Variants in DGKK observed in about 807,000 individuals in gnomAD.
DGKK encodes 142 kDa diacylglycerol kinase.
DGKK carries 35 observed loss-of-function variants against 92.2 expected under a neutral mutation model. That is an observed-to-expected ratio of 0.38 (90% CI 0.29 to 0.50). The LOEUF is 0.50. Among genes scored for constraint, DGKK ranks in the 20% least tolerant of loss-of-function variants. The probability of loss-of-function intolerance (pLI) is 0.92; values close to 1 mark genes in which losing one functional copy is unlikely to be tolerated. For missense variants in DGKK, 910 were observed against 992.2 expected, an observed-to-expected ratio of 0.92 and a Z score of 1.11; for synonymous variants, 368 against 360.6, an observed-to-expected ratio of 1.02 and a Z score of -0.23.
At chrX:50,464,380 C>G (rs782208342) in intron 1 of DGKK, among the ~76,000 whole-genome samples, 1 of 109,549 alleles carries the variant, frequency 9.1e-6, no homozygotes, top group South Asian at 4.0e-4. Context: ...CCCTCCCGCA[C>G]CCCCCGCGCC....
At chrX:50,410,552 A>G (rs1424408868) in intron 4 of DGKK, among the ~76,000 whole-genome samples, 3 of 111,872 alleles carry the variant, frequency 2.7e-5, no homozygotes, top group Non-Finnish European at 5.6e-5. Flanking sequence ...AGATGGTGGA[A>G]TAGGAGTTCT....
At position 50,378,237 on chromosome X, in the gene DGKK, C is replaced by A. The variant is rs1282299676; in HGVS notation, c.2977-5G>T. On this transcript the variant is annotated splice_polypyrimidine_tract_variant and splice_region_variant and intron_variant, in intron 21 of 27. Coordinates refer to ENST00000611977, the MANE Select transcript of DGKK (RefSeq NM_001013742.4). Reference sequence around the variant, plus strand: ...GGTTATCATCACCTCATGGCACTGCCAGAGAAAATGAGGAAGAATGGGAGA... The same window carrying A: ...GGTTATCATCACCTCATGGCACTGCAAGAGAAAATGAGGAAGAATGGGAGA... 1 of 1,204,640 alleles carries A rather than the reference C, an allele frequency of 8.3e-7. No individual in the cohort carries two copies. Among genetic ancestry groups the A allele is most frequent in the African/African-American group, 1.8e-5 (1 of 56,885 alleles).
rs868933501 is a variant in DGKK at position 50,470,378 on chromosome X, G to A, written c.301C>T (p.Pro101Ser). The A allele has an allele frequency of 3.3e-6, 4 of 1,210,927 alleles. No individual in the cohort carries two copies. In the East Asian group the frequency reaches 1.2e-4, roughly 36 times the overall value. ...SEPAPEPATE[P>S]APEPATEPAP... is the part of the protein sequence containing the mutation. ...GGCTCTGTGGCAGGTTCTGGGGCCG[G>A]CTCTGTGGCAGGTTCTGGGGCCGGT... Residue 101 changes from proline (P) to serine (S), a missense_variant, in exon 1 of 28, where the codon CCG becomes TCG. Physicochemically the swap from Pro to Ser is moderately conservative, Grantham distance 74. Transcript: ENST00000611977.
chrX:50,415,907 G>A (rs1557228484), intron 4 of DGKK, among the ~76,000 whole-genome samples: 3 of 111,732 alleles, frequency 2.7e-5, no homozygotes, highest in Non-Finnish European at 5.6e-5. Context: ...TAAGACTTTT[G>A]GAATTTTTAG....
chrX:50,439,701 G>A (rs1926120891), intron 1 of DGKK, among the ~76,000 whole-genome samples: 1 of 111,115 alleles, frequency 9.0e-6, no homozygotes, highest in Admixed American at 9.6e-5. Flanking sequence ...GATTTGTGTG[G>A]ATTAGTCCAT....
intron 1 of DGKK, among the ~76,000 whole-genome samples, chrX:50,444,679 T>C (rs1270297548): frequency 9.0e-6 from 1 of 110,810 alleles, no homozygotes; most frequent in Non-Finnish European, 1.9e-5. Context: ...ACATTTTCTT[T>C]ATCCAATCTG....
chrX:50,403,089 T>A lies in DGKK; in HGVS notation c.1280A>T (p.Asp427Val). 8.3e-7 allele frequency: 1 copy of A among 1,210,496 alleles called. No homozygotes were observed. Among genetic ancestry groups the A allele is most frequent in the Non-Finnish European group, 1.1e-6 (1 of 894,899 alleles). The change falls in exon 7 of 28, where the codon GAC (aspartate) becomes GTC (valine). Residue 427 changes from aspartate to valine, a missense_variant. By Grantham distance (152) the Asp-to-Val change is radical. Coordinates refer to ENST00000611977, the MANE Select transcript of DGKK (RefSeq NM_001013742.4). ...AGAATTACACCACAGGCAGCGGAAG[T>A]CTTGAAGTCTTTGATAACTGCCACA... The part of the protein sequence containing the change: ...ESCGSYQRLQ[D>V]FRCLWCNSTV...
chrX:50,407,302 A>G (rs1925180844), intron 4 of DGKK, among the ~76,000 whole-genome samples: 1 of 112,011 alleles, frequency 8.9e-6, no homozygotes, highest in Non-Finnish European at 1.9e-5. Context: ...CATAAAAAAT[A>G]GCATAGACTG....
chrX:50,418,483 A>C (rs782389191), intron 4 of DGKK, among the ~76,000 whole-genome samples: 15 of 111,919 alleles, frequency 1.3e-4, no homozygotes, highest in African/African-American at 4.9e-4. Flanking sequence ...CACTAAATCC[A>C]TGATTAATCT....
chrX:50,435,573 C>T (rs1925998428), intron 1 of DGKK, among the ~76,000 whole-genome samples: 1 of 111,837 alleles, frequency 8.9e-6, no homozygotes. Flanking sequence ...AGTGGCATTA[C>T]CAAGAATCAT....
At position 50,378,088 on chromosome X, in the gene DGKK, T is replaced by C; in HGVS notation, c.3111+10A>G. The C allele has an allele frequency of 2.5e-6, 3 of 1,204,281 alleles. No homozygotes were observed. Among genetic ancestry groups the C allele is most frequent in the Non-Finnish European group, 3.4e-6 (3 of 892,289 alleles). ...AGTATAGGAGCCCAAGACAAGATTT[T>C]CCCCCTTACCCGATCTCTTGTCAGC... On this transcript the variant is annotated intron_variant, in intron 22 of 27. Transcript: ENST00000611977.
chrX:50,429,496 T>C (rs905593624), intron 1 of DGKK, among the ~76,000 whole-genome samples: 13 of 111,333 alleles, frequency 1.2e-4, no homozygotes, highest in African/African-American at 2.9e-4. Flanking sequence ...CCATCCTGGC[T>C]AACACGGTGA....
At chrX:50,428,684 G>A (rs1348321031) in intron 1 of DGKK, among the ~76,000 whole-genome samples, 1 of 111,640 alleles carries the variant, frequency 9.0e-6, no homozygotes, top group African/African-American at 3.3e-5. Context: ...AGTTCCTTAA[G>A]TTCTAAACAG....
chrX:50,404,445 CTTT>C (rs781970634), intron 4 of DGKK, among the ~76,000 whole-genome samples: 5 of 90,899 alleles, frequency 5.5e-5, no homozygotes, highest in African/African-American at 4.1e-5. Context: ...GAGTAATTAT[CTTT>C]TTTTTTTTTT....
chrX:50,467,485 T>C (rs1386025962), intron 1 of DGKK, among the ~76,000 whole-genome samples: 5 of 113,257 alleles, frequency 4.4e-5, no homozygotes, highest in Admixed American at 9.2e-5. Flanking sequence ...GATAGTTTCA[T>C]GCTTGCTATG....
At chrX:50,393,796 G>A (rs1924764927) in intron 8 of DGKK, among the ~76,000 whole-genome samples, 1 of 111,811 alleles carries the variant, frequency 8.9e-6, no homozygotes, top group South Asian at 3.8e-4. Context: ...CTTATAGTGA[G>A]AAGATACCAG....
intron 22 of DGKK, 87 bp downstream of exon 22, chrX:50,378,011 G>A: frequency 1.9e-6 from 2 of 1,068,202 alleles, no homozygotes; most frequent in Non-Finnish European, 2.5e-6. Flanking sequence ...CTCCTTTTGA[G>A]GAATTCTGCT....
At chrX:50,419,042 G>A (rs181822985) in intron 4 of DGKK, among the ~76,000 whole-genome samples, 1 of 111,804 alleles carries the variant, frequency 8.9e-6, no homozygotes, top group East Asian at 2.8e-4. Context: ...TTTTATGACT[G>A]CCTCTAATGT....
At chrX:50,466,515 A>C (rs1926914958) in intron 1 of DGKK, among the ~76,000 whole-genome samples, 1 of 112,020 alleles carries the variant, frequency 8.9e-6, no homozygotes, top group South Asian at 3.7e-4. Context: ...AACCACTCTG[A>C]AAATGGAAAG....
Sources: gnomAD v4.1 joint callset for allele counts (sites outside exome capture counted in the v4.1 genomes callset) on GRCh38, gnomAD v4.1.1 for gene constraint, MANE v1.5 for transcripts, NCBI Gene and HGNC (gene_info 2026-07-23, HGNC 2026-07-21) for gene names.